Variants in SERPINE3 observed in about 807,000 individuals in gnomAD.
SERPINE3 encodes serpin E3.
In SERPINE3, 43 loss-of-function variants were observed where a neutral mutation model predicts 41.7. The ratio of observed to expected loss-of-function variants is 1.03; its 90% CI spans 0.81 to 1.33. SERPINE3 has a LOEUF of 1.33. SERPINE3 is among the 40% of genes most tolerant of loss of function. The pLI is 0.00. For missense variants in SERPINE3, 440 were observed against 491.7 expected (o/e 0.89, Z 0.99); for synonymous variants, 200 against 192.2 (o/e 1.04, Z -0.34).
At chr13:51,359,874 C>G (rs1955536849) in intron 7 of SERPINE3, among the ~76,000 whole-genome samples, 1 of 151,992 alleles carries the variant, frequency 6.6e-6, no homozygotes, top group Non-Finnish European at 1.5e-5. Flanking sequence ...AAATTTGTTT[C>G]TTAAAGACCC....
At chr13:51,350,128 T>A (rs894631523) in intron 6 of SERPINE3, among the ~76,000 whole-genome samples, 2 of 152,116 alleles carry the variant, frequency 1.3e-5, no homozygotes, top group Non-Finnish European at 2.9e-5. Flanking sequence ...ATTTTTCGTT[T>A]AACAAGAGCA....
intron 7 of SERPINE3, among the ~76,000 whole-genome samples, chr13:51,359,220 GTTCAT>G (rs1424079668): frequency 1.3e-5 from 2 of 151,932 alleles, no homozygotes; most frequent in Non-Finnish European, 2.9e-5. Flanking sequence ...TGACTTCTAG[GTTCAT>G]TTCATTAGTT....
rs368096303 is a variant in SERPINE3, at chr13:51,344,393, G to T, written c.398G>T (p.Trp133Leu). ...CCCTGCTTTGTGGAGCACGTCTCCT[G>T]GTGGGCTAACAGCAGCCTGGAACCA... ...LSPCFVEHVS[W>L]WANSSLEPAD... The change falls in exon 4 of 10, where the codon TGG becomes TTG. Residue 133 changes from tryptophan (W) to leucine (L), a missense_variant. Transcript: ENST00000681248. 1.2e-5 allele frequency: 20 copies of T among 1,612,488 alleles called. No individual in the cohort carries two copies. The African/African-American group carries it at 2.7e-4, about 21-fold the overall frequency.
chr13:51,359,749 A>T (rs1450141244), intron 7 of SERPINE3, among the ~76,000 whole-genome samples: 1 of 152,106 alleles, frequency 6.6e-6, no homozygotes, highest in Non-Finnish European at 1.5e-5. Context: ...GAGATTAGTA[A>T]AAGCCTCTCA....
At position 51,348,405 on chromosome 13, in the gene SERPINE3, T is replaced by G. The variant is rs749932694; in HGVS notation, c.893T>G (p.Leu298Arg). The change falls in exon 6 of 10, where the codon CTG (leucine) becomes CGG (arginine). Residue 298 changes from leucine to arginine, a missense_variant. Transcript: ENST00000681248. ...AGGAGAGCCAGGATGGATGTGTTCC[T>G]GCCCAGGTGAGCAGCTGAGTCCCCC... ...SLRRARMDVF[L>R]PRFRIQNQFN... 29 of 1,613,156 alleles carry G rather than the reference T, an allele frequency of 1.8e-5. No individual in the cohort carries two copies. Among genetic ancestry groups the G allele is most frequent in the Non-Finnish European group, 4.2e-6 (5 of 1,179,688 alleles).
chr13:51,355,450 T>C (rs1357548192), intron 7 of SERPINE3, among the ~76,000 whole-genome samples: 1 of 152,164 alleles, frequency 6.6e-6, no homozygotes, highest in East Asian at 1.9e-4. Context: ...ACCCAAGGCA[T>C]TGCTGCAGCA....
intron 6 of SERPINE3, among the ~76,000 whole-genome samples, chr13:51,352,440 C>T (rs148944856): frequency 6.6e-6 from 1 of 151,134 alleles, no homozygotes; most frequent in Non-Finnish European, 1.5e-5. Context: ...GTATGCTGTA[C>T]CTTACTGAAC....
chr13:51,348,363 T>C lies in SERPINE3; in HGVS notation c.851T>C (p.Leu284Pro), dbSNP rs1445775952. The C allele has an allele frequency of 3.7e-6, 6 of 1,613,762 alleles. No individual in the cohort carries two copies. Among genetic ancestry groups the C allele is most frequent in the African/African-American group, 1.3e-5 (1 of 74,906 alleles). ...EPHLTASTIHLWTTSLRRARM... is the reference protein window; with the variant it reads ...EPHLTASTIHPWTTSLRRARM... ...CACCTCACAGCCAGCACCATCCACC[T>C]CTGGACCACCAGCCTGAGGAGAGCC... Residue 284 changes from leucine (L) to proline (P), a missense_variant, in exon 6 of 10, where the codon CTC (leucine) becomes CCC (proline). Coordinates refer to ENST00000681248, the MANE Select transcript of SERPINE3 (RefSeq NM_001386375.1).
At chr13:51,351,547 T>C (rs551724656) in intron 6 of SERPINE3, among the ~76,000 whole-genome samples, 3 of 152,268 alleles carry the variant, frequency 2.0e-5, no homozygotes, top group South Asian at 4.1e-4. Flanking sequence ...CCTTAACAGA[T>C]ATATGATTTG....
In SERPINE3 at chr13:51,355,129, TGAAAG is replaced by T. The variant is rs1266325552; in HGVS notation, c.990_994del (p.Lys330AsnfsTer11). 1.6e-5 allele frequency: 24 copies of T among 1,525,300 alleles called. No homozygotes were observed. Among genetic ancestry groups the T allele is most frequent in the Middle Eastern group, 1.7e-4 (1 of 5,958 alleles). The allele number at this position is 1,525,300 out of a possible 1,614,324, so 94.5% of individuals were successfully genotyped here. Reference sequence around the variant, plus strand: ...CTTTTTGATCCACTCAAAGCTAACTTGAAAGGAATTTCAGGTAAAAACGGTTCTTC... The same window carrying T: ...CTTTTTGATCCACTCAAAGCTAACTTGAATTTCAGGTAAAAACGGTTCTTC... On this transcript the variant is annotated frameshift_variant, in exon 7 of 10. Transcript: ENST00000681248. LOFTEE classifies it high-confidence loss of function.
intron 5 of SERPINE3, among the ~76,000 whole-genome samples, chr13:51,347,546 G>A (rs1341993607): frequency 2.6e-5 from 4 of 152,216 alleles, no homozygotes; most frequent in South Asian, 4.1e-4. Context: ...ACAATAGGCC[G>A]GGATTGAATG....
At position 51,361,342 on chromosome 13, in the gene SERPINE3, C is replaced by G. The variant is rs1455087715; in HGVS notation, c.1065C>G (p.Gly355=). The G allele has an allele frequency of 1.5e-5, 24 of 1,608,872 alleles. No individual in the cohort carries two copies. Among genetic ancestry groups the G allele is most frequent in the Non-Finnish European group, 2.0e-5 (24 of 1,176,572 alleles). Reference sequence around the variant, plus strand: ...CCAAGATTGAAGTTTTGGAGGAAGGCACCAAGGCATCTGGAGCCACAGGTA... The same window carrying G: ...CCAAGATTGAAGTTTTGGAGGAAGGGACCAAGGCATCTGGAGCCACAGGTA... ...HKAKIEVLEE[G]TKASGATALL... is the part of the protein sequence containing the mutation. Residue 355 remains glycine (G), a synonymous_variant, in exon 8 of 10, where the codon GGC becomes GGG. Coordinates refer to ENST00000681248, the MANE Select transcript of SERPINE3 (RefSeq NM_001386375.1).
chr13:51,349,812 T>C (rs1955387280), intron 6 of SERPINE3, among the ~76,000 whole-genome samples: 1 of 152,178 alleles, frequency 6.6e-6, no homozygotes, highest in African/African-American at 2.4e-5. Context: ...CTTAACCTCA[T>C]TCTGATAATT....
chr13:51,363,362 C>T (rs1955620757), intron 9 of SERPINE3: 1 of 151,916 alleles, frequency 6.6e-6, no homozygotes, highest in African/African-American at 2.4e-5. Context: ...CATTAGCCTA[C>T]ATCACACAAC....
At position 51,344,326 on chromosome 13, in the gene SERPINE3, C is replaced by T. The variant is rs774221738; in HGVS notation, c.331C>T (p.Leu111=). The change falls in exon 4 of 10, where the codon CTG becomes TTG. Residue 111 remains leucine (L), a synonymous_variant. Transcript: ENST00000681248. ...PTSSQGTEME[L]ACSLFVQVGT... ...CTCCAGCCAAGGCACCGAGATGGAG[C>T]TGGCCTGCAGCCTTTTTGTGCAAGT... The T allele has an allele frequency of 2.3e-5, 37 of 1,613,876 alleles. No individual in the cohort carries two copies. The highest frequency in any genetic ancestry group is 3.4e-6 in the Non-Finnish European group (4 of 1,179,888).
intron 4 of SERPINE3, among the ~76,000 whole-genome samples, chr13:51,344,815 C>T (rs778693920): frequency 2.6e-5 from 4 of 152,304 alleles, no homozygotes; most frequent in South Asian, 2.1e-4. Flanking sequence ...AACTGTCCCC[C>T]GACTGAGCTC....
chr13:51,346,349 A>T (rs934386512), intron 4 of SERPINE3, among the ~76,000 whole-genome samples: 4 of 152,124 alleles, frequency 2.6e-5, no homozygotes, highest in African/African-American at 4.8e-5. Context: ...AATGTGCAGG[A>T]TCTCCCATCA....
Position 51,344,266 on chromosome 13 carries a change from G to C in SERPINE3, c.271G>C (p.Asp91His). 6.2e-7 allele frequency: 1 copy of C among 1,613,846 alleles called. No individual in the cohort carries two copies. Among genetic ancestry groups the C allele is most frequent in the Non-Finnish European group, 8.5e-7 (1 of 1,179,770 alleles). ...GTTTTTCACAGACAAAAGGGTGAAA[G>C]ATTTCTTGCATGCTGTTTATGCCAC... is the stretch of plus-strand genomic sequence containing the variant. Reference protein sequence around the residue: ...GYTVHDKRVKDFLHAVYATLP... With the variant: ...GYTVHDKRVKHFLHAVYATLP... Residue 91 changes from aspartate (D) to histidine (H), a missense_variant, in exon 4 of 10, where the codon GAT becomes CAT. Physicochemically the swap from Asp to His is moderately conservative, Grantham distance 81 (BLOSUM62 -1). Coordinates refer to ENST00000681248, the MANE Select transcript of SERPINE3 (RefSeq NM_001386375.1).
At chr13:51,359,609 G>A (rs1955530744) in intron 7 of SERPINE3, among the ~76,000 whole-genome samples, 1 of 152,052 alleles carries the variant, frequency 6.6e-6, no homozygotes. Context: ...ACACTGCCAA[G>A]GTGCCCAGAC....
Sources: allele counts gnomAD v4.1 joint callset (sites outside exome capture counted in the v4.1 genomes callset), GRCh38; gene constraint gnomAD v4.1.1; transcripts MANE v1.5; gene names NCBI Gene and HGNC (gene_info 2026-07-23, HGNC 2026-07-21).